Variants in ATOSA observed in about 807,000 individuals in gnomAD.
The protein encoded by ATOSA is atos homolog protein A.
At chr15:52,633,773 A>G in the ATOSA span, among the ~76,000 whole-genome samples, 11 of 152,222 alleles carry the variant, frequency 7.2e-5, no homozygotes, top group Non-Finnish European at 1.2e-4. Context: ...CTGAGAATCT[A>G]TATCTATACA....
At chr15:52,622,099 G>A in the ATOSA span, among the ~76,000 whole-genome samples, 1 of 151,952 alleles carries the variant, frequency 6.6e-6, no homozygotes, top group Non-Finnish European at 1.5e-5. Context: ...TACCAACCTC[G>A]GCCTCCCAAA....
At chr15:52,591,870 G>A in the ATOSA span, among the ~76,000 whole-genome samples, 7 of 152,106 alleles carry the variant, frequency 4.6e-5, no homozygotes, top group South Asian at 4.1e-4. Context: ...CTCTTCTTTC[G>A]ATAATAACCT....
At chr15:52,685,892 C>G in the ATOSA span, among the ~76,000 whole-genome samples, 1 of 152,042 alleles carries the variant, frequency 6.6e-6, no homozygotes, top group Non-Finnish European at 1.5e-5. Flanking sequence ...AATTTTTTAA[C>G]TTATTTGCCA....
the ATOSA span, among the ~76,000 whole-genome samples, chr15:52,677,041 T>A: frequency 6.6e-6 from 1 of 152,214 alleles, no homozygotes; most frequent in Non-Finnish European, 1.5e-5. Flanking sequence ...TTTTCTCCAA[T>A]TCCTTCTGGT....
chr15:52,644,017 C>CT, the ATOSA span, among the ~76,000 whole-genome samples: 1 of 151,118 alleles, frequency 6.6e-6, no homozygotes, highest in Non-Finnish European at 1.5e-5. Flanking sequence ...GTTTTAAAAT[C>CT]TTTATAAAGT....
At chr15:52,617,975 T>G in the ATOSA span, among the ~76,000 whole-genome samples, 1 of 152,014 alleles carries the variant, frequency 6.6e-6, no homozygotes, top group Non-Finnish European at 1.5e-5. Context: ...AGAGCATTAA[T>G]GTATATGATC....
the ATOSA span, chr15:52,629,682 A>T: frequency 2.5e-6 from 1 of 399,422 alleles, no homozygotes; most frequent in Non-Finnish European, 5.1e-6. Flanking sequence ...GGCACCTGTA[A>T]TCTCTGCTAC....
chr15:52,620,122 C>T, the ATOSA span, among the ~76,000 whole-genome samples: 6 of 152,060 alleles, frequency 3.9e-5, no homozygotes, highest in African/African-American at 7.2e-5. Flanking sequence ...TTCTGTCCAT[C>T]GAGAAAAGTG....
chr15:52,608,621 T>C, the ATOSA span: 64 of 1,607,922 alleles, frequency 4.0e-5, no homozygotes, highest in African/African-American at 7.3e-4. Context: ...TCTTTTATAC[T>C]TCTTCTCTGA....
chr15:52,694,904 C>CT, the ATOSA span, among the ~76,000 whole-genome samples: 2,784 of 140,154 alleles, frequency 0.02, 90 homozygotes, highest in African/African-American at 0.065. Flanking sequence ...CCCCATTATT[C>CT]TTTTTTTTTT....
the ATOSA span, among the ~76,000 whole-genome samples, chr15:52,622,960 T>TATAA: frequency 9.1e-3 from 1,233 of 136,158 alleles, 7 homozygotes; most frequent in Middle Eastern, 0.015. Flanking sequence ...CTGTCCCTAT[T>TATAA]ATAAATAAAT....
At chr15:52,665,737 T>C in the ATOSA span, among the ~76,000 whole-genome samples, 1 of 152,146 alleles carries the variant, frequency 6.6e-6, no homozygotes, top group Non-Finnish European at 1.5e-5. Context: ...AGCTTAAGTA[T>C]CCAACAAAAA....
At chr15:52,667,483 A>G in the ATOSA span, among the ~76,000 whole-genome samples, 1 of 152,252 alleles carries the variant, frequency 6.6e-6, no homozygotes, top group Non-Finnish European at 1.5e-5. Context: ...GATTGAATGC[A>G]GTAACTGTAT....
the ATOSA span, among the ~76,000 whole-genome samples, chr15:52,664,164 C>A: frequency 6.6e-6 from 1 of 152,228 alleles, no homozygotes; most frequent in Admixed American, 6.5e-5. Context: ...CATGGACTGA[C>A]AGCATCTGCA....
chr15:52,660,162 C>G, the ATOSA span, among the ~76,000 whole-genome samples: 2 of 152,176 alleles, frequency 1.3e-5, no homozygotes, highest in East Asian at 3.8e-4. Flanking sequence ...GAGCAAGCAA[C>G]AGGCGCTTAA....
chr15:52,582,274 G>A, the ATOSA span: 26 of 1,589,828 alleles, frequency 1.6e-5, no homozygotes, highest in Non-Finnish European at 2.1e-5. Flanking sequence ...CGTCTCTATG[G>A]AGGTAGATCT....
chr15:52,622,020 T>C, the ATOSA span, among the ~76,000 whole-genome samples: 1 of 152,162 alleles, frequency 6.6e-6, no homozygotes, highest in South Asian at 2.1e-4. Context: ...CTAATTTTTG[T>C]ATTTTTAGTA....
chr15:52,675,478 T>G, the ATOSA span, among the ~76,000 whole-genome samples: 4 of 152,224 alleles, frequency 2.6e-5, no homozygotes, highest in African/African-American at 9.7e-5. Context: ...ATTGTATTTA[T>G]TTAGAAACTT....
chr15:52,661,931 C>CAAAAAAAAAAA, the ATOSA span, among the ~76,000 whole-genome samples: 5 of 73,234 alleles, frequency 6.8e-5, no homozygotes, highest in East Asian at 5.2e-4. Context: ...CAAGCCAGGC[C>CAAAAAAAAAAA]AAAAAAAAAA....
Sources: allele counts gnomAD v4.1 joint callset (sites outside exome capture counted in the v4.1 genomes callset), GRCh38; gene constraint gnomAD v4.1.1; transcripts MANE v1.5; gene names NCBI Gene and HGNC (gene_info 2026-07-23, HGNC 2026-07-21).